The following SLC35D4 variants were observed in gnomAD, a reference collection of about 807,000 sequenced individuals.
The protein encoded by SLC35D4 is solute carrier family 35 member D4, also known as UDP-N-acetylglucosamine transporter SLC35D4.
the SLC35D4 span, chr18:23,296,047 A>AC: frequency 6.6e-6 from 1 of 152,046 alleles, no homozygotes; most frequent in African/African-American, 2.4e-5. Context: ...GAGCAATGAG[A>AC]ACACATGGAC....
At chr18:23,377,663 A>T in the SLC35D4 span, 2 of 1,577,880 alleles carry the variant, frequency 1.3e-6, no homozygotes, top group South Asian at 2.5e-5. Context: ...TCTTTGCAGG[A>T]GATGTTTTCT....
At chr18:23,379,185 G>A in the SLC35D4 span, among the ~76,000 whole-genome samples, 60 of 151,208 alleles carry the variant, frequency 4.0e-4, no homozygotes, top group African/African-American at 1.2e-3. Context: ...GTGCGGTGGC[G>A]TGATCTTGGC....
At chr18:23,424,409 A>T in the SLC35D4 span, among the ~76,000 whole-genome samples, 1 of 152,200 alleles carries the variant, frequency 6.6e-6, no homozygotes, top group African/African-American at 2.4e-5. Context: ...GACACCAAGC[A>T]TTGTTCTAGG....
the SLC35D4 span, among the ~76,000 whole-genome samples, chr18:23,383,514 C>T: frequency 6.6e-5 from 10 of 151,826 alleles, no homozygotes; most frequent in Non-Finnish European, 1.0e-4. Context: ...TTCAGGGGAA[C>T]GGCGGGGGCA....
At chr18:23,432,806 C>T in the SLC35D4 span, among the ~76,000 whole-genome samples, 1 of 151,624 alleles carries the variant, frequency 6.6e-6, no homozygotes, top group African/African-American at 2.4e-5. Flanking sequence ...CATGGTGAGA[C>T]CCTATCTTGA....
the SLC35D4 span, among the ~76,000 whole-genome samples, chr18:23,350,718 G>C: frequency 6.6e-6 from 1 of 152,044 alleles, no homozygotes; most frequent in Admixed American, 6.6e-5. Context: ...ATGCACCACC[G>C]AGTTGGCCTA....
chr18:23,276,568 G>A, the SLC35D4 span, among the ~76,000 whole-genome samples: 1 of 152,034 alleles, frequency 6.6e-6, no homozygotes, highest in African/African-American at 2.4e-5. Context: ...TGCCACCAGT[G>A]TTGTGGTGCT....
chr18:23,243,468 G>GTTTTTTTTTTT, the SLC35D4 span, among the ~76,000 whole-genome samples: 1 of 101,878 alleles, frequency 9.8e-6, no homozygotes, highest in African/African-American at 3.6e-5. Context: ...TGGGTTTGGT[G>GTTTTTTTTTTT]TTTTTTTTTT....
the SLC35D4 span, among the ~76,000 whole-genome samples, chr18:23,249,539 G>C: frequency 6.6e-6 from 1 of 152,224 alleles, no homozygotes; most frequent in African/African-American, 2.4e-5. Context: ...CTGGAGCAGA[G>C]TCCAGACTTG....
chr18:23,288,601 G>C, the SLC35D4 span, among the ~76,000 whole-genome samples: 300 of 151,988 alleles, frequency 2.0e-3, 3 homozygotes, highest in African/African-American at 7.0e-3. Context: ...CATGCCCCGA[G>C]TCAGGAAACT....
the SLC35D4 span, among the ~76,000 whole-genome samples, chr18:23,290,270 G>A: frequency 6.6e-6 from 1 of 152,228 alleles, no homozygotes; most frequent in Non-Finnish European, 1.5e-5. Context: ...CAGACTTAGA[G>A]CATCCCAGAG....
chr18:23,330,480 A>G, the SLC35D4 span, among the ~76,000 whole-genome samples: 1 of 152,168 alleles, frequency 6.6e-6, no homozygotes, highest in Admixed American at 6.5e-5. Flanking sequence ...GGGGAAAGTT[A>G]TTTGCTTCAA....
At chr18:23,259,954 T>C in the SLC35D4 span, 14 of 151,050 alleles carry the variant, frequency 9.3e-5, no homozygotes, top group African/African-American at 2.9e-4. Context: ...CTCCTTGGGA[T>C]AATACTAGCC....
chr18:23,346,167 G>A, the SLC35D4 span, among the ~76,000 whole-genome samples: 1 of 152,074 alleles, frequency 6.6e-6, no homozygotes, highest in Non-Finnish European at 1.5e-5. Context: ...ACAAAGTCTT[G>A]CTCTGTCACT....
At chr18:23,275,713 AG>A in the SLC35D4 span, among the ~76,000 whole-genome samples, 11 of 152,158 alleles carry the variant, frequency 7.2e-5, no homozygotes, top group Admixed American at 2.0e-4. Flanking sequence ...AAGGTCATGT[AG>A]CCCAACTCTT....
chr18:23,314,710 T>C, the SLC35D4 span, among the ~76,000 whole-genome samples: 1 of 152,200 alleles, frequency 6.6e-6, no homozygotes, highest in Non-Finnish European at 1.5e-5. Context: ...TACTTGCTTA[T>C]AAAAAGCACT....
chr18:23,395,885 A>C, the SLC35D4 span, among the ~76,000 whole-genome samples: 2 of 152,206 alleles, frequency 1.3e-5, no homozygotes, highest in Non-Finnish European at 2.9e-5. Flanking sequence ...AAGATTGGTG[A>C]CAGAAAGTGC....
chr18:23,322,980 G>T, the SLC35D4 span, among the ~76,000 whole-genome samples: 1 of 152,116 alleles, frequency 6.6e-6, no homozygotes, highest in African/African-American at 2.4e-5. Context: ...TGATAGATTT[G>T]TGCCAGTTAT....
the SLC35D4 span, among the ~76,000 whole-genome samples, chr18:23,358,974 G>A: frequency 0.079 from 12,039 of 152,194 alleles, 647 homozygotes; most frequent in Middle Eastern, 0.16. Flanking sequence ...AGGTTGCAGC[G>A]TGTGGCTGGC....
Sources: allele counts gnomAD v4.1 joint callset (sites outside exome capture counted in the v4.1 genomes callset), GRCh38; gene constraint gnomAD v4.1.1; transcripts MANE v1.5; gene names NCBI Gene and HGNC (gene_info 2026-07-23, HGNC 2026-07-21).